KIF26B: variants seen among roughly 807,000 people sequenced by gnomAD.
KIF26B encodes kinesin family member 26B.
Under a neutral mutation model 151.2 loss-of-function variants are expected in KIF26B, and 63 were observed. That is an observed-to-expected ratio of 0.42 (90% CI 0.34 to 0.51). The LOEUF is 0.51. Among genes scored for constraint, KIF26B ranks in the 20% least tolerant of loss-of-function variants. The pLI is 0.07. For missense variants in KIF26B, 2,813 were observed against 2,913.6 expected, an observed-to-expected ratio of 0.97 and a Z score of 0.79; for synonymous variants, 1,357 against 1,262.1, an observed-to-expected ratio of 1.08 and a Z score of -1.59.
Position 245,688,209 on chromosome 1 carries a change from C to A in KIF26B, c.5226C>A (p.Ser1742Arg). 1 of 1,590,026 alleles carries A rather than the reference C, an allele frequency of 6.3e-7. No homozygotes were observed. The highest frequency in any genetic ancestry group is 8.5e-7 in the Non-Finnish European group (1 of 1,173,242). The change falls in exon 12 of 15, where the codon AGC (serine) becomes AGA (arginine). Residue 1742 changes from serine (S) to arginine (R), a missense_variant. This residue lies in a region of KIF26B where 2,060 missense variants were observed against 2,088.6 expected (regional missense o/e 0.99). Coordinates refer to ENST00000407071, the MANE Select transcript of KIF26B (RefSeq NM_018012.4). ...ISAVSRLLLA[S>R]PRARGPSAST... ...CCGTGAGCAGACTCCTCCTGGCCAGCCCCAGAGCGCGCGGCCCGTCCGCCT... is the reference window on the plus strand; with the variant it reads ...CCGTGAGCAGACTCCTCCTGGCCAGACCCAGAGCGCGCGGCCCGTCCGCCT...
At chr1:245,524,555 A>G (rs1180678755) in intron 4 of KIF26B, among the ~76,000 whole-genome samples, 1 of 152,230 alleles carries the variant, frequency 6.6e-6, no homozygotes, top group Admixed American at 6.5e-5. Flanking sequence ...ATCAATGTTT[A>G]TGGAATAACA....
At chr1:245,160,654 TAAAAA>T (rs562217613) in intron 2 of KIF26B, among the ~76,000 whole-genome samples, 1 of 145,208 alleles carries the variant, frequency 6.9e-6, no homozygotes, top group African/African-American at 2.5e-5. Context: ...ATCTTTTATG[TAAAAA>T]AAAAAAAGTG....
intron 3 of KIF26B, among the ~76,000 whole-genome samples, chr1:245,414,153 A>G (rs1425804251): frequency 6.6e-6 from 1 of 152,230 alleles, no homozygotes; most frequent in Non-Finnish European, 1.5e-5. Flanking sequence ...CAGTGGAGTT[A>G]GCGTAGCCAA....
At chr1:245,354,749 G>A (rs1339360415) in intron 2 of KIF26B, among the ~76,000 whole-genome samples, 4 of 152,174 alleles carry the variant, frequency 2.6e-5, no homozygotes, top group African/African-American at 9.7e-5. Context: ...GGAAACTGAG[G>A]TAGAGGAGAG....
In KIF26B at chr1:245,484,703, TCTC is replaced by T. The variant is rs371831242; in HGVS notation, c.1167-56061_1167-56059del. On this transcript the variant is annotated intron_variant, in intron 4 of 14. Coordinates refer to ENST00000407071, the MANE Select transcript of KIF26B (RefSeq NM_018012.4). ...AGCTGCTTCTCCTCCTTCTTCTCCTTCTCCTTCTTCTTTCTTCTTTCCTCCTCC... is the reference window on the plus strand; with the variant it reads ...AGCTGCTTCTCCTCCTTCTTCTCCTTCTTCTTCTTTCTTCTTTCCTCCTCC... Among the ~76,000 whole-genome samples, 43 of 69,300 alleles carry T rather than the reference TCTC, an allele frequency of 6.2e-4. 1 individual carries two copies. Among genetic ancestry groups the T allele is most frequent in the Admixed American group, 9.1e-4 (5 of 5,480 alleles). 45.5% of individuals were successfully genotyped at this position (69,300 alleles called of 152,430 possible).
intron 2 of KIF26B, among the ~76,000 whole-genome samples, chr1:245,175,309 A>C (rs1668783173): frequency 6.6e-6 from 1 of 151,982 alleles, no homozygotes; most frequent in Non-Finnish European, 1.5e-5. Context: ...TGACATACAC[A>C]CTAGATAGCA....
chr1:245,465,944 G>A (rs1659779794), intron 4 of KIF26B, among the ~76,000 whole-genome samples: 1 of 152,248 alleles, frequency 6.6e-6, no homozygotes, highest in African/African-American at 2.4e-5. Context: ...TGTCGAGGCA[G>A]CTTGCATCCG....
intron 3 of KIF26B, among the ~76,000 whole-genome samples, chr1:245,386,568 T>TC (rs149824854): frequency 0.05 from 7,654 of 151,954 alleles, 644 homozygotes; most frequent in African/African-American, 0.17. Context: ...TGTGTTTGCC[T>TC]CCCCCTCACT....
chr1:245,407,781 A>T (rs980566676), intron 3 of KIF26B, among the ~76,000 whole-genome samples: 2 of 152,188 alleles, frequency 1.3e-5, no homozygotes, highest in African/African-American at 4.8e-5. Context: ...GACACATCCT[A>T]TACTGGTAAT....
intron 2 of KIF26B, among the ~76,000 whole-genome samples, chr1:245,178,838 G>T (rs1307753036): frequency 2.6e-5 from 4 of 152,218 alleles, no homozygotes; most frequent in African/African-American, 9.6e-5. Flanking sequence ...CTGAGTGGAG[G>T]GCAAGTGGGG....
chr1:245,662,462 C>T (rs1301279522), intron 10 of KIF26B, among the ~76,000 whole-genome samples: 1 of 138,466 alleles, frequency 7.2e-6, no homozygotes, highest in Admixed American at 7.4e-5. Context: ...ATATACACCC[C>T]ATGATACATA....
intron 9 of KIF26B, among the ~76,000 whole-genome samples, chr1:245,619,001 A>G (rs1319556695): frequency 2.1e-5 from 3 of 141,960 alleles, no homozygotes; most frequent in South Asian, 2.2e-4. Flanking sequence ...GCCCTATTAG[A>G]CTATAGGTTC....
At chr1:245,440,242 G>T (rs1012893978) in intron 4 of KIF26B, among the ~76,000 whole-genome samples, 4 of 151,772 alleles carry the variant, frequency 2.6e-5, no homozygotes, top group African/African-American at 9.7e-5. Flanking sequence ...AAACTAAAAG[G>T]TTCTCACAAG....
At chr1:245,648,648 A>C (rs2103187576) in intron 10 of KIF26B, among the ~76,000 whole-genome samples, 1 of 152,184 alleles carries the variant, frequency 6.6e-6, no homozygotes, top group East Asian at 1.9e-4. Context: ...AAAAAAAATA[A>C]ATGAAAGTTT....
intron 4 of KIF26B, among the ~76,000 whole-genome samples, chr1:245,514,747 T>C (rs2103086064): frequency 6.6e-6 from 1 of 152,298 alleles, no homozygotes; most frequent in Middle Eastern, 3.4e-3. Flanking sequence ...AACATCTGAA[T>C]GTAGTAGAAC....
chr1:245,642,125 G>A (rs1409415696), intron 9 of KIF26B, among the ~76,000 whole-genome samples: 1 of 152,142 alleles, frequency 6.6e-6, no homozygotes, highest in East Asian at 1.9e-4. Flanking sequence ...TGTTATGTGG[G>A]AACACTGGCC....
chr1:245,176,793 A>C (rs138566695), intron 2 of KIF26B, among the ~76,000 whole-genome samples: 1,611 of 152,258 alleles, frequency 0.011, 25 homozygotes, highest in Non-Finnish European at 0.01. Flanking sequence ...TTTAACGGTC[A>C]TGTTTACTTT....
chr1:245,345,709 GT>G (rs1672440079), intron 2 of KIF26B, among the ~76,000 whole-genome samples: 1 of 152,014 alleles, frequency 6.6e-6, no homozygotes, highest in Non-Finnish European at 1.5e-5. Context: ...AGATCTGGTT[GT>G]TTACAAGTGT....
rs564900767 is a variant in KIF26B, at chr1:245,534,937, C to T, written c.1167-5830C>T. ...AGCTGGCATTACAGGCATGTGCCAC[C>T]ATGCTCGACTAGTTTTTGGATTTTA... On this transcript the variant is annotated intron_variant, in intron 4 of 14. Transcript: ENST00000407071. 2.0e-5 allele frequency among the ~76,000 whole-genome samples: 3 copies of T among 152,236 alleles called. No homozygotes were observed. The East Asian group carries it at 5.8e-4, about 29-fold the overall frequency.
Sources: allele counts gnomAD v4.1 joint callset (sites outside exome capture counted in the v4.1 genomes callset), GRCh38; gene constraint gnomAD v4.1.1; regional missense constraint gnomAD v4.1.1; transcripts MANE v1.5; gene names NCBI Gene and HGNC (gene_info 2026-07-23, HGNC 2026-07-21).